The following ANK3 variants were observed in gnomAD, a reference collection of about 807,000 sequenced individuals.
ANK3 encodes ankyrin 3.
A neutral mutation model predicts 370.9 loss-of-function variants in ANK3; 57 were observed. The observed-to-expected ratio is 0.15, with a 90% CI of 0.12 to 0.19. The LOEUF is 0.19. Among genes scored for constraint, ANK3 ranks in the 10% least tolerant of loss-of-function variants. The probability of loss-of-function intolerance (pLI) is 1.00; values close to 1 mark genes in which losing one functional copy is unlikely to be tolerated. For synonymous variants in ANK3, 1,929 were observed against 1,946.3 expected (o/e 0.99, Z 0.23); for missense variants, 4,439 against 5,302.1 (o/e 0.84, Z 5.06).
At chr10:60,422,154 T>C (rs1454334025) in intron 2 of ANK3, among the ~76,000 whole-genome samples, 1 of 152,120 alleles carries the variant, frequency 6.6e-6, no homozygotes, top group Non-Finnish European at 1.5e-5. Flanking sequence ...TCTTTTAATT[T>C]TGAACAACTT....
chr10:60,104,560 A>C (rs2091905131), intron 28 of ANK3, among the ~76,000 whole-genome samples: 1 of 152,092 alleles, frequency 6.6e-6, no homozygotes, highest in Non-Finnish European at 1.5e-5. Context: ...CTTATCAGTA[A>C]AGTGGAATTA....
At position 60,472,747 on chromosome 10, in the gene ANK3, T is replaced by G. The variant is rs72807915; in HGVS notation, c.96+142439A>C. On this transcript the variant is annotated intron_variant, in intron 2 of 43. Coordinates refer to the ANK3 transcript ENST00000373827. Reference sequence around the variant, plus strand: ...CATTAAGGATAGGATTATGTCCTACTCCATCCCTACTGCTCACACATTTCT... The same window carrying G: ...CATTAAGGATAGGATTATGTCCTACGCCATCCCTACTGCTCACACATTTCT... Among the ~76,000 whole-genome samples, 747 of 152,318 alleles carry G rather than the reference T, an allele frequency of 4.9e-3. 4 individuals carry two copies. The highest frequency in any genetic ancestry group is 6.2e-3 in the Non-Finnish European group (423 of 68,016).
chr10:60,534,139 G>A (rs2076669728), intron 2 of ANK3, among the ~76,000 whole-genome samples: 1 of 152,118 alleles, frequency 6.6e-6, no homozygotes. Context: ...ACAGAGTGCT[G>A]ATATTTATGA....
At chr10:60,094,454 C>T (rs2089611399) in intron 28 of ANK3, among the ~76,000 whole-genome samples, 1 of 152,036 alleles carries the variant, frequency 6.6e-6, no homozygotes, top group African/African-American at 2.4e-5. Context: ...TCCCAAAGTT[C>T]TGGGATTACA....
chr10:60,080,127 A>T lies in ANK3; in HGVS notation c.4432+410T>A, dbSNP rs76222164. On this transcript the variant is annotated intron_variant, in intron 36 of 43. Coordinates refer to ENST00000280772, the MANE Select transcript of ANK3 (RefSeq NM_020987.5). Reference sequence around the variant, plus strand: ...AATCGGGACTAGGATATGACAACCTATCTATACTGAGAAAAATGAGATGAC... The same window carrying T: ...AATCGGGACTAGGATATGACAACCTTTCTATACTGAGAAAAATGAGATGAC... Among the ~76,000 whole-genome samples, 350 of 152,242 alleles carry T rather than the reference A, an allele frequency of 2.3e-3. 2 individuals carry two copies. The highest frequency in any genetic ancestry group is 4.1e-3 in the Non-Finnish European group (277 of 68,008).
intron 7 of ANK3, among the ~76,000 whole-genome samples, chr10:60,249,497 T>A (rs1387375486): frequency 6.6e-6 from 1 of 152,216 alleles, no homozygotes. Context: ...AGAAAGTAAA[T>A]CACTCTTGCA....
chr10:60,207,885 C>G, intron 10 of ANK3, 151 bp downstream of exon 10: 1 of 708,630 alleles, frequency 1.4e-6, no homozygotes, highest in South Asian at 1.9e-5. Context: ...ATTTTGTAGA[C>G]TTTCCTGAAG....
At position 60,072,104 on chromosome 10, in the gene ANK3, T is replaced by C. The variant is rs1361048485; in HGVS notation, c.8777A>G (p.Lys2926Arg). The change falls in exon 37 of 44, where the codon AAA becomes AGA. Residue 2926 changes from lysine (K) to arginine (R), a missense_variant. Lys to Arg is a conservative substitution (Grantham distance 26, BLOSUM62 2). Coordinates refer to ENST00000280772, the MANE Select transcript of ANK3 (RefSeq NM_020987.5). Reference protein sequence around the residue: ...IKEMTVKSPSKKVLYREYVVK... With the variant: ...IKEMTVKSPSRKVLYREYVVK... ...AACATATTCCCTATATAAGACTTTTTTGGAGGGAGATTTTACAGTCATTTC... is the reference window on the plus strand; with the variant it reads ...AACATATTCCCTATATAAGACTTTTCTGGAGGGAGATTTTACAGTCATTTC... 1 of 1,613,962 alleles carries C rather than the reference T, an allele frequency of 6.2e-7. No individual in the cohort carries two copies. The highest frequency in any genetic ancestry group is 1.7e-5 in the Admixed American group (1 of 59,992).
At chr10:60,637,472 A>G (rs2078570652) in intron 1 of ANK3, among the ~76,000 whole-genome samples, 1 of 152,232 alleles carries the variant, frequency 6.6e-6, no homozygotes, top group Non-Finnish European at 1.5e-5. Flanking sequence ...GAAAGTATTT[A>G]GCAATATATT....
At chr10:60,584,162 G>C (rs1414798702) in intron 2 of ANK3, among the ~76,000 whole-genome samples, 1 of 152,202 alleles carries the variant, frequency 6.6e-6, no homozygotes, top group Non-Finnish European at 1.5e-5. Flanking sequence ...TAGGTGAGAG[G>C]AAGATTGGGA....
Position 60,563,258 on chromosome 10 carries a change from C to A in ANK3, c.96+51928G>T, listed in dbSNP as rs78882028. On this transcript the variant is annotated intron_variant, in intron 2 of 43. Transcript: ENST00000373827. ...ATTTTTCCTACCAAACTGAAAACTG[C>A]ACTACAGACCTTTGCTATAGTGCTT... Among the ~76,000 whole-genome samples the A allele has an allele frequency of 4.1e-3, 618 of 152,228 alleles. 18 individuals carry two copies. In the East Asian group the frequency reaches 0.058, roughly 14 times the overall value.
chr10:60,648,543 G>A (rs1422078180), intron 1 of ANK3, among the ~76,000 whole-genome samples: 2 of 145,850 alleles, frequency 1.4e-5, no homozygotes, highest in Admixed American at 1.4e-4. Context: ...GGCCGACAAG[G>A]GTGGATCATG....
intron 1 of ANK3, among the ~76,000 whole-genome samples, chr10:60,634,085 T>C (rs528071494): frequency 2.0e-5 from 3 of 152,354 alleles, no homozygotes; most frequent in South Asian, 4.1e-4. Flanking sequence ...GAGTGGAGAA[T>C]AGTTCACTTC....
chr10:60,041,856 T>C (rs10740004), intron 43 of ANK3, among the ~76,000 whole-genome samples: 105,376 of 151,866 alleles, frequency 0.69, 36,655 homozygotes, highest in East Asian at 0.78. Context: ...ATACCAGTAT[T>C]CTGGCAAGCA....
intron 1 of ANK3, among the ~76,000 whole-genome samples, chr10:60,641,675 A>T (rs2078635019): frequency 6.6e-6 from 1 of 152,104 alleles, no homozygotes; most frequent in South Asian, 2.1e-4. Context: ...AACCATAAAA[A>T]CCCTAGAAGA....
intron 2 of ANK3, among the ~76,000 whole-genome samples, chr10:60,557,030 T>C (rs1207225275): frequency 3.9e-5 from 6 of 152,068 alleles, no homozygotes; most frequent in African/African-American, 1.4e-4. Flanking sequence ...CCCAAAGCCA[T>C]CCCCCTCCCC....
rs563647632 is a variant in ANK3 at position 60,080,772 on chromosome 10, C to T, written c.4351-154G>A. Among the ~76,000 whole-genome samples, 8 of 152,270 alleles carry T rather than the reference C, an allele frequency of 5.3e-5. No individual in the cohort carries two copies. The East Asian group carries it at 1.2e-3, about 22-fold the overall frequency. On this transcript the variant is annotated intron_variant, in intron 35 of 43. Transcript: ENST00000280772. ...ACTGGGATTTTGTAACCCCACCCCC[C>T]ATGTCTTAACCAAAATCATCATTTG...
intron 8 of ANK3, among the ~76,000 whole-genome samples, chr10:60,228,037 G>A (rs1185639532): frequency 1.3e-5 from 2 of 152,148 alleles, no homozygotes; most frequent in Non-Finnish European, 2.9e-5. Flanking sequence ...CCCAGCAGAA[G>A]GCTTAGTCCA....
chr10:60,559,846 T>C (rs1478462896), intron 2 of ANK3, among the ~76,000 whole-genome samples: 3 of 152,046 alleles, frequency 2.0e-5, no homozygotes, highest in African/African-American at 7.2e-5. Flanking sequence ...AGAAAAATGT[T>C]AGCCTGGCCA....
Sources: allele counts gnomAD v4.1 joint callset (sites outside exome capture counted in the v4.1 genomes callset), GRCh38; gene constraint gnomAD v4.1.1; transcripts MANE v1.5; gene names NCBI Gene and HGNC (gene_info 2026-07-23, HGNC 2026-07-21).